The following IGF1 variants were observed in gnomAD, a reference collection of about 807,000 sequenced individuals.
IGF1 encodes insulin-like growth factor 1.
Under a neutral mutation model 13.8 loss-of-function variants are expected in IGF1, and 4 were observed. That is an observed-to-expected ratio of 0.29 (90% CI 0.14 to 0.66). The LOEUF (loss-of-function observed/expected upper bound fraction) is 0.66. IGF1 is among the 30% of genes least tolerant of loss of function. The pLI, the probability that IGF1 is intolerant of heterozygous loss-of-function variation, is 0.78. For synonymous variants in IGF1, 76 were observed against 72.6 expected (o/e 1.05, Z -0.23); for missense variants, 124 against 188.5 (o/e 0.66, Z 2.00).
intron 3 of IGF1, chr12:102,418,082 G>A (rs1875325533): frequency 1.4e-6 from 2 of 1,458,702 alleles, no homozygotes; most frequent in Middle Eastern, 1.8e-4. Flanking sequence ...AGAATGCCCA[G>A]GCTCCATATG....
At chr12:102,422,361 G>C (rs1460531067) in intron 2 of IGF1, among the ~76,000 whole-genome samples, 1 of 152,008 alleles carries the variant, frequency 6.6e-6, no homozygotes, top group Non-Finnish European at 1.5e-5. Context: ...GTCTACAATG[G>C]ACTCATTGTA....
At position 102,401,764 on chromosome 12, in the gene IGF1, A is replaced by G. The variant is rs1051839078; in HGVS notation, c.*743T>C. The G allele has an allele frequency of 2.6e-5, 4 of 152,676 alleles. No homozygotes were observed. The highest frequency in any genetic ancestry group is 2.0e-4 in the Admixed American group (3 of 15,278). 9.5% of individuals were successfully genotyped at this position (152,676 alleles called of 1,614,324 possible). On this transcript the variant is annotated 3_prime_UTR_variant, in exon 4 of 4. Transcript: ENST00000337514. ...ATTTGAAGGAACTCTTTTGAGTTGA[A>G]GAAACTTTCTATGTTTAAAACATAT...
chr12:102,447,952 C>G (rs1273243453), intron 2 of IGF1, among the ~76,000 whole-genome samples: 1 of 151,982 alleles, frequency 6.6e-6, no homozygotes, highest in Admixed American at 6.6e-5. Flanking sequence ...AGCTTCTGCA[C>G]AGCAAAAGAA....
At position 102,442,038 on chromosome 12, in the gene IGF1, C is replaced by G. The variant is rs567275181; in HGVS notation, c.221-22348G>C. On this transcript the variant is annotated intron_variant, in intron 2 of 3. Coordinates refer to ENST00000337514, the MANE Select transcript of IGF1 (RefSeq NM_000618.5). ...AATTGTGGCTCACTACAGCGTCAACCTCTCAGGCTCAAGAGATCCTCCCAC... is the reference window on the plus strand; with the variant it reads ...AATTGTGGCTCACTACAGCGTCAACGTCTCAGGCTCAAGAGATCCTCCCAC... 2.0e-5 allele frequency among the ~76,000 whole-genome samples: 3 copies of G among 151,270 alleles called. No homozygotes were observed. In the South Asian group the frequency reaches 6.3e-4, roughly 32 times the overall value.
intron 2 of IGF1, among the ~76,000 whole-genome samples, chr12:102,427,182 C>T (rs1247398387): frequency 8.5e-5 from 13 of 152,242 alleles, no homozygotes; most frequent in South Asian, 2.1e-4. Flanking sequence ...GAATCGCATA[C>T]GTGGGCCTTA....
At chr12:102,477,915 A>G (rs11831702) in intron 1 of IGF1, among the ~76,000 whole-genome samples, 3,744 of 152,212 alleles carry the variant, frequency 0.025, 66 homozygotes, top group African/African-American at 0.033. Flanking sequence ...TAGTTCTAGT[A>G]TAACACATTT....
rs370415056 is a variant in IGF1, at chr12:102,452,134, C to T, written c.220+23509G>A. On this transcript the variant is annotated intron_variant, in intron 2 of 3. Transcript: ENST00000337514. Reference sequence around the variant, plus strand: ...AAAATTAGCCGGGCGTGGTAGCGGGCGCCTGTAGTCCCAGCTACTCGGGAG... The same window carrying T: ...AAAATTAGCCGGGCGTGGTAGCGGGTGCCTGTAGTCCCAGCTACTCGGGAG... Among the ~76,000 whole-genome samples the T allele has an allele frequency of 1.8e-4, 27 of 151,434 alleles. 1 individual carries two copies. The highest frequency in any genetic ancestry group is 1.6e-3 in the East Asian group (8 of 5,124).
chr12:102,479,043 A>C (rs1461587405), intron 1 of IGF1, among the ~76,000 whole-genome samples: 1 of 152,214 alleles, frequency 6.6e-6, no homozygotes, highest in Non-Finnish European at 1.5e-5. Context: ...ATTTGGAAAC[A>C]ATTTTCTTAA....
chr12:102,457,504 C>T (rs1163290929), intron 2 of IGF1, among the ~76,000 whole-genome samples: 2 of 152,176 alleles, frequency 1.3e-5, no homozygotes, highest in Non-Finnish European at 2.9e-5. Context: ...CTTGTTTGCC[C>T]AGTATTTCTG....
intron 3 of IGF1, among the ~76,000 whole-genome samples, chr12:102,413,711 C>T (rs892210011): frequency 2.0e-5 from 3 of 152,102 alleles, no homozygotes; most frequent in Non-Finnish European, 4.4e-5. Flanking sequence ...GGAGTTCATA[C>T]TACAATTAAA....
chr12:102,422,533 G>T (rs930147468), intron 2 of IGF1, among the ~76,000 whole-genome samples: 10 of 152,094 alleles, frequency 6.6e-5, no homozygotes, highest in African/African-American at 2.4e-4. Context: ...TCACAGTTGA[G>T]GGTCAAAGTT....
At chr12:102,420,133 T>C (rs1857359849) in intron 2 of IGF1, among the ~76,000 whole-genome samples, 2 of 152,202 alleles carry the variant, frequency 1.3e-5, no homozygotes, top group African/African-American at 4.8e-5. Context: ...TTTGACTATA[T>C]AGTCAGGTTG....
At chr12:102,433,716 T>G (rs1452756022) in intron 2 of IGF1, among the ~76,000 whole-genome samples, 1 of 152,196 alleles carries the variant, frequency 6.6e-6, no homozygotes, top group Non-Finnish European at 1.5e-5. Flanking sequence ...GCTCACTGAT[T>G]GGTGGATTGA....
In IGF1 at chr12:102,402,398, T is replaced by C; in HGVS notation, c.*109A>G. ...TTGGGGGAAACGCCCATCTTTTAAA[T>C]GTTATCAAACTTATTTTTTGGTAGG... On this transcript the variant is annotated 3_prime_UTR_variant, in exon 4 of 4. Transcript: ENST00000337514. 2 of 776,830 alleles carry C rather than the reference T, an allele frequency of 2.6e-6. No homozygotes were observed. Among genetic ancestry groups the C allele is most frequent in the Non-Finnish European group, 2.4e-6 (1 of 415,916 alleles). The allele number at this position is 776,830 out of a possible 1,614,324, so 48.1% of individuals were successfully genotyped here.
intron 2 of IGF1, among the ~76,000 whole-genome samples, chr12:102,456,730 A>G (rs1879437203): frequency 6.6e-6 from 1 of 152,186 alleles, no homozygotes. Flanking sequence ...GTACTGACCA[A>G]TATTACAGCA....
rs545775903 is a variant in IGF1 at position 102,414,491 on chromosome 12, G to A, written c.402+5018C>T. On this transcript the variant is annotated intron_variant, in intron 3 of 3. Transcript: ENST00000337514. The stretch of plus-strand genomic sequence containing the variant: ...AGCTGGGATGCAGCGGCAGGATCTC[G>A]GCTCGCTGCAACCTCTGCCTCCCAG... 5.9e-5 allele frequency among the ~76,000 whole-genome samples: 9 copies of A among 152,096 alleles called. No individual in the cohort carries two copies. In the South Asian group the frequency reaches 8.3e-4, roughly 14 times the overall value.
At chr12:102,464,324 A>G (rs940917150) in intron 2 of IGF1, among the ~76,000 whole-genome samples, 6 of 151,636 alleles carry the variant, frequency 4.0e-5, no homozygotes, top group African/African-American at 1.5e-4. Context: ...TTTCTCCTAT[A>G]TCTTCAATCT....
chr12:102,416,280 C>G (rs1002966945), intron 3 of IGF1, among the ~76,000 whole-genome samples: 1 of 152,194 alleles, frequency 6.6e-6, no homozygotes, highest in African/African-American at 2.4e-5. Context: ...TCTTCTAATT[C>G]ACAACTTGGA....
In IGF1 at chr12:102,399,380, C is replaced by G. The variant is rs1873496211; in HGVS notation, c.*3127G>C. 1 of 152,368 alleles carries G rather than the reference C, an allele frequency of 6.6e-6. No individual in the cohort carries two copies. The highest frequency in any genetic ancestry group is 2.4e-5 in the African/African-American group (1 of 41,404). The allele number at this position is 152,368 out of a possible 1,614,324, so 9.4% of individuals were successfully genotyped here. ...CTCATTCTTACCAATGTTTACTGTT[C>G]TTTTACAAATATCTTGAAATTGCCT... On this transcript the variant is annotated 3_prime_UTR_variant, in exon 4 of 4. Transcript: ENST00000337514.
Sources: gnomAD v4.1 joint callset for allele counts (sites outside exome capture counted in the v4.1 genomes callset) on GRCh38, gnomAD v4.1.1 for gene constraint, MANE v1.5 for transcripts, NCBI Gene and HGNC (gene_info 2026-07-23, HGNC 2026-07-21) for gene names.